MYO16: variants seen among roughly 807,000 people sequenced by gnomAD.
The protein encoded by MYO16 is myosin XVI, also known as unconventional myosin-XVI.
In MYO16, 94 loss-of-function variants were observed where a neutral mutation model predicts 205.3. That is an observed-to-expected ratio of 0.46 (90% CI 0.39 to 0.54). The LOEUF is 0.54. Among genes scored for constraint, MYO16 ranks in the 20% least tolerant of loss-of-function variants. The pLI, the probability that MYO16 is intolerant of heterozygous loss-of-function variation, is 0.00. For missense variants in MYO16, 2,315 were observed against 2,387.5 expected (o/e 0.97, Z 0.63); for synonymous variants, 988 against 954.0 (o/e 1.04, Z -0.66).
the MYO16 span, among the ~76,000 whole-genome samples, chr13:108,581,546 T>C: frequency 1.3e-5 from 2 of 152,154 alleles, no homozygotes; most frequent in Non-Finnish European, 2.9e-5. Flanking sequence ...TAGGGTTTAC[T>C]CTATTCCTAC....
intron 27 of MYO16, among the ~76,000 whole-genome samples, chr13:109,086,213 T>C (rs572566819): frequency 6.6e-6 from 1 of 152,202 alleles, no homozygotes; most frequent in Non-Finnish European, 1.5e-5. Context: ...GTCACACTTC[T>C]GTAGAATTAG....
chr13:108,977,215 C>G (rs1884295344), intron 20 of MYO16, among the ~76,000 whole-genome samples: 1 of 152,118 alleles, frequency 6.6e-6, no homozygotes, highest in African/African-American at 2.4e-5. Flanking sequence ...CTAGTTTATT[C>G]TTTTTAACTG....
chr13:109,173,469 C>G (rs1485854433), intron 33 of MYO16, among the ~76,000 whole-genome samples: 1 of 152,162 alleles, frequency 6.6e-6, no homozygotes, highest in Non-Finnish European at 1.5e-5. Flanking sequence ...AAGAAAGGAG[C>G]ACATTTCCAT....
At chr13:108,744,329 A>C (rs1437134730) in intron 4 of MYO16, among the ~76,000 whole-genome samples, 1 of 152,142 alleles carries the variant, frequency 6.6e-6, no homozygotes, top group East Asian at 1.9e-4. Context: ...AATTCTACTC[A>C]TAGTCACCTC....
chr13:108,579,441 A>ATTTTTTTT, the MYO16 span, among the ~76,000 whole-genome samples: 1 of 139,470 alleles, frequency 7.2e-6, no homozygotes, highest in African/African-American at 2.6e-5. Context: ...AAAGGCAAGA[A>ATTTTTTTT]TTTTTTTTTT....
At chr13:109,049,134 G>C (rs1035326504) in intron 24 of MYO16, among the ~76,000 whole-genome samples, 1 of 143,836 alleles carries the variant, frequency 7.0e-6, no homozygotes, top group African/African-American at 2.6e-5. Context: ...TATAAGTTAG[G>C]TTATCCCTCT....
intron 20 of MYO16, among the ~76,000 whole-genome samples, chr13:108,987,994 T>C (rs187670894): frequency 3.7e-4 from 57 of 152,356 alleles, no homozygotes; most frequent in Admixed American, 5.9e-4. Flanking sequence ...TGCATTTTAC[T>C]AATATGTCAA....
intron 24 of MYO16, among the ~76,000 whole-genome samples, chr13:109,050,460 G>A (rs909592213): frequency 1.3e-5 from 2 of 152,220 alleles, no homozygotes; most frequent in Non-Finnish European, 2.9e-5. Flanking sequence ...TGATAAGGCG[G>A]TGCTCTTCAG....
intron 19 of MYO16, among the ~76,000 whole-genome samples, chr13:108,963,363 C>T (rs1883660224): frequency 6.6e-6 from 1 of 152,182 alleles, no homozygotes; most frequent in African/African-American, 2.4e-5. Flanking sequence ...CCATTGTTCA[C>T]TCAGTTGCCC....
At position 109,009,009 on chromosome 13, in the gene MYO16, C is replaced by T; in HGVS notation, c.2555C>T (p.Ser852Phe). Residue 852 changes from serine (S) to phenylalanine (F), a missense_variant, in exon 22 of 35, where the codon TCT becomes TTT. This residue lies in a region of MYO16 where 1,213 missense variants were observed against 1,274.4 expected (regional missense o/e 0.95). Coordinates refer to ENST00000457511, the MANE Select transcript of MYO16 (RefSeq NM_001198950.3). The part of the protein sequence containing the change: ...QEGVTMETAY[S>F]PGNQNGVLDF... ...GGAGTTACCATGGAAACAGCATATT[C>T]TCCTGGTAACCAGAATGGAGTTTTG... is the stretch of plus-strand genomic sequence containing the variant. 6.2e-7 allele frequency: 1 copy of T among 1,606,100 alleles called. No individual in the cohort carries two copies. Among genetic ancestry groups the T allele is most frequent in the Non-Finnish European group, 8.5e-7 (1 of 1,177,736 alleles).
At chr13:108,529,803 C>A in the MYO16 span, among the ~76,000 whole-genome samples, 1 of 152,214 alleles carries the variant, frequency 6.6e-6, no homozygotes, top group Admixed American at 6.5e-5. Context: ...CTCTTATGAT[C>A]ATCCCTGGTG....
At chr13:108,984,136 T>C (rs1884547024) in intron 20 of MYO16, among the ~76,000 whole-genome samples, 1 of 152,226 alleles carries the variant, frequency 6.6e-6, no homozygotes, top group Non-Finnish European at 1.5e-5. Context: ...CTTTCTGCCA[T>C]AATGAATGAC....
At chr13:108,944,010 G>A (rs1882837248) in intron 16 of MYO16, among the ~76,000 whole-genome samples, 1 of 152,234 alleles carries the variant, frequency 6.6e-6, no homozygotes, top group African/African-American at 2.4e-5. Flanking sequence ...TAGAACAGTT[G>A]CGTTAGCAAA....
rs183534295 is a variant in MYO16 at position 108,917,788 on chromosome 13, A to G, written c.1925+7638A>G. Reference sequence around the variant, plus strand: ...ATTCAGACTTCTACATTACTTTTAAATGGTCAAATTTATTATGTGATGACA... The same window carrying G: ...ATTCAGACTTCTACATTACTTTTAAGTGGTCAAATTTATTATGTGATGACA... On this transcript the variant is annotated intron_variant, in intron 16 of 34. Transcript: ENST00000457511. Among the ~76,000 whole-genome samples the G allele has an allele frequency of 1.4e-3, 206 of 152,336 alleles. 1 individual carries two copies. Among genetic ancestry groups the G allele is most frequent in the African/African-American group, 4.7e-3 (196 of 41,582 alleles).
intron 32 of MYO16, among the ~76,000 whole-genome samples, chr13:109,153,492 G>A (rs1877798433): frequency 6.6e-6 from 1 of 152,106 alleles, no homozygotes; most frequent in Non-Finnish European, 1.5e-5. Flanking sequence ...ATCTGGCTGG[G>A]CGAGGTGGCT....
intron 1 of MYO16, among the ~76,000 whole-genome samples, chr13:108,646,818 T>C (rs950940034): frequency 2.0e-5 from 3 of 152,144 alleles, no homozygotes; most frequent in African/African-American, 7.2e-5. Flanking sequence ...TTTTCTCATT[T>C]TTACAGCTTT....
chr13:109,197,116 C>A (rs1419636082), intron 34 of MYO16, among the ~76,000 whole-genome samples: 1 of 152,194 alleles, frequency 6.6e-6, no homozygotes, highest in Non-Finnish European at 1.5e-5. Context: ...CCCTCTCCTT[C>A]AGCGGCTCCG....
At position 109,127,617 on chromosome 13, in the gene MYO16, C is replaced by A; in HGVS notation, c.4051+67C>A. 4 of 1,530,926 alleles carry A rather than the reference C, an allele frequency of 2.6e-6. No homozygotes were observed. The highest frequency in any genetic ancestry group is 3.5e-6 in the Non-Finnish European group (4 of 1,130,164). The allele number at this position is 1,530,926 out of a possible 1,614,324, so 94.8% of individuals were successfully genotyped here. A position where few individuals can be genotyped will look rare whatever the true frequency, so the allele number is the denominator to read the frequency against. ...CGCATGCTCTGACTTCGCCTTGGGG[C>A]GCCCATGGCAGTACTGTCGCCCTAA... is the stretch of plus-strand genomic sequence containing the variant. On this transcript the variant is annotated intron_variant, in intron 31 of 34. Coordinates refer to ENST00000457511, the MANE Select transcript of MYO16 (RefSeq NM_001198950.3). This position sits in a 1 kb window ranked among gnomAD's most constrained non-coding sequence, Gnocchi z 4.2.
chr13:108,900,429 G>A (rs1880652296), intron 15 of MYO16, among the ~76,000 whole-genome samples: 2 of 152,124 alleles, frequency 1.3e-5, no homozygotes, highest in African/African-American at 4.8e-5. Context: ...CAGGAAGTCA[G>A]GGACCCCGAA....
Sources: allele counts gnomAD v4.1 joint callset (sites outside exome capture counted in the v4.1 genomes callset), GRCh38; gene constraint gnomAD v4.1.1; regional missense constraint gnomAD v4.1.1; non-coding constraint Gnocchi (gnomAD v3.1); transcripts MANE v1.5; gene names NCBI Gene and HGNC (gene_info 2026-07-23, HGNC 2026-07-21).